Variants in IL1RAP observed in about 807,000 individuals in gnomAD.
IL1RAP encodes the protein interleukin 1 receptor accessory protein, also known as interleukin-1 receptor accessory protein.
IL1RAP carries 35 observed loss-of-function variants against 60.7 expected under a neutral mutation model. The ratio of observed to expected loss-of-function variants is 0.58; its 90% CI spans 0.44 to 0.76. The LOEUF (loss-of-function observed/expected upper bound fraction) is 0.76. IL1RAP is among the 30% of genes least tolerant of loss of function. The probability of loss-of-function intolerance (pLI) is 0.00; values close to 1 mark genes in which losing one functional copy is unlikely to be tolerated. For missense variants in IL1RAP, 572 were observed against 693.9 expected (o/e 0.82, Z 1.97); for synonymous variants, 268 against 250.9 (o/e 1.07, Z -0.64).
intron 5 of IL1RAP, among the ~76,000 whole-genome samples, chr3:190,618,047 G>A (rs1731431892): frequency 6.6e-6 from 1 of 152,196 alleles, no homozygotes. Context: ...GTTTACCACT[G>A]ATTGCAGGAA....
At position 190,582,433 on chromosome 3, in the gene IL1RAP, C is replaced by T. The variant is rs1728085338; in HGVS notation, c.64+18080C>T. Among the ~76,000 whole-genome samples the T allele has an allele frequency of 3.3e-5, 5 of 152,078 alleles. No homozygotes were observed. In the South Asian group the frequency reaches 1.0e-3, roughly 32 times the overall value. The stretch of plus-strand genomic sequence containing the variant: ...CTCCCGGGATCAAGTAAGTCTCCTG[C>T]CTCAGCCTCACACATGGCTGGGATT... On this transcript the variant is annotated intron_variant, in intron 3 of 11. Transcript: ENST00000447382.
At chr3:190,535,704 A>G (rs1042805869) in intron 1 of IL1RAP, among the ~76,000 whole-genome samples, 12 of 152,198 alleles carry the variant, frequency 7.9e-5, no homozygotes, top group African/African-American at 2.4e-5. Context: ...GTAATTGTGG[A>G]ACAGCCACAA....
chr3:190,644,636 G>A (rs1346616685), intron 10 of IL1RAP, among the ~76,000 whole-genome samples: 1 of 152,062 alleles, frequency 6.6e-6, no homozygotes, highest in Non-Finnish European at 1.5e-5. Context: ...GAAATATAAT[G>A]CGAGCCACTT....
chr3:190,611,550 T>C (rs1397614376), intron 5 of IL1RAP, among the ~76,000 whole-genome samples: 1 of 152,186 alleles, frequency 6.6e-6, no homozygotes, highest in Non-Finnish European at 1.5e-5. Context: ...TAAGCATGCA[T>C]ATATAGGTGA....
At chr3:190,588,912 A>G (rs1322266854) in intron 3 of IL1RAP, among the ~76,000 whole-genome samples, 3 of 152,204 alleles carry the variant, frequency 2.0e-5, no homozygotes, top group South Asian at 4.1e-4. Flanking sequence ...TAAGTCCAGT[A>G]TAAACTCTTA....
intron 9 of IL1RAP, among the ~76,000 whole-genome samples, chr3:190,631,349 A>G (rs1413297987): frequency 6.6e-6 from 1 of 152,228 alleles, no homozygotes; most frequent in Non-Finnish European, 1.5e-5. Context: ...CAGAGCGACC[A>G]GAGTAGCTCC....
At chr3:190,596,994 C>T (rs927695768) in intron 3 of IL1RAP, among the ~76,000 whole-genome samples, 2 of 151,866 alleles carry the variant, frequency 1.3e-5, no homozygotes, top group Non-Finnish European at 2.9e-5. Flanking sequence ...GGCAAATATC[C>T]CAAAGAAAAA....
intron 4 of IL1RAP, among the ~76,000 whole-genome samples, chr3:190,607,661 G>A (rs1378621950): frequency 1.3e-4 from 20 of 152,234 alleles, no homozygotes; most frequent in Non-Finnish European, 2.2e-4. Context: ...CCAGGCAGAC[G>A]GAACAACGTG....
chr3:190,553,101 G>A (rs963566342), intron 1 of IL1RAP, among the ~76,000 whole-genome samples: 1 of 152,168 alleles, frequency 6.6e-6, no homozygotes, highest in Non-Finnish European at 1.5e-5. Context: ...CATTTCCTAA[G>A]CCAGGATTGA....
chr3:190,543,032 G>T (rs912207383), intron 1 of IL1RAP, among the ~76,000 whole-genome samples: 1 of 152,000 alleles, frequency 6.6e-6, no homozygotes, highest in Non-Finnish European at 1.5e-5. Flanking sequence ...TCCCTCGATG[G>T]TCATTGGGTG....
intron 1 of IL1RAP, among the ~76,000 whole-genome samples, chr3:190,554,010 G>A (rs192545170): frequency 7.1e-6 from 1 of 141,184 alleles, no homozygotes; most frequent in African/African-American, 2.7e-5. Context: ...GCAGTGAGCC[G>A]AGATCCCGCC....
intron 1 of IL1RAP, among the ~76,000 whole-genome samples, chr3:190,525,492 A>G (rs986035448): frequency 2.0e-5 from 3 of 152,214 alleles, no homozygotes; most frequent in African/African-American, 7.2e-5. Context: ...TGTAGCAGGA[A>G]GTCACTGAAC....
At chr3:190,530,335 A>C (rs1295464037) in intron 1 of IL1RAP, among the ~76,000 whole-genome samples, 2 of 152,156 alleles carry the variant, frequency 1.3e-5, no homozygotes, top group Admixed American at 6.5e-5. Flanking sequence ...GCATTATCAG[A>C]TCTGTATTTT....
At chr3:190,622,164 AATTAGGTATT>A (rs1472422816) in intron 6 of IL1RAP, among the ~76,000 whole-genome samples, 4 of 152,270 alleles carry the variant, frequency 2.6e-5, no homozygotes, top group Non-Finnish European at 5.9e-5. Context: ...GCATGAAAGC[AATTAGGTATT>A]ATGCAACATA....
Position 190,521,408 on chromosome 3 carries a change from T to C in IL1RAP, c.-89+7189T>C, listed in dbSNP as rs149436292. Reference sequence around the variant, plus strand: ...TTACTACAGCCAAGCAGCTAATAAATAGTAGAACTGGGACTTGGACCCTAG... The same window carrying C: ...TTACTACAGCCAAGCAGCTAATAAACAGTAGAACTGGGACTTGGACCCTAG... On this transcript the variant is annotated intron_variant, in intron 1 of 11. Transcript: ENST00000447382. Among the ~76,000 whole-genome samples, 319 of 152,032 alleles carry C rather than the reference T, an allele frequency of 2.1e-3. 1 individual carries two copies. The highest frequency in any genetic ancestry group is 5.4e-3 in the South Asian group (26 of 4,816).
intron 3 of IL1RAP, among the ~76,000 whole-genome samples, chr3:190,589,856 A>G (rs1191821126): frequency 2.0e-5 from 3 of 152,212 alleles, no homozygotes; most frequent in Non-Finnish European, 4.4e-5. Context: ...TTGAGTGGAA[A>G]GGTGTTCACT....
intron 3 of IL1RAP, among the ~76,000 whole-genome samples, chr3:190,581,169 G>A (rs1431266650): frequency 1.3e-5 from 2 of 152,078 alleles, no homozygotes; most frequent in Non-Finnish European, 2.9e-5. Flanking sequence ...ATCAGAACAT[G>A]CCCTGGGTAA....
intron 9 of IL1RAP, among the ~76,000 whole-genome samples, chr3:190,633,241 T>G (rs946494151): frequency 6.6e-6 from 1 of 152,252 alleles, no homozygotes; most frequent in African/African-American, 2.4e-5. Flanking sequence ...TCTCCATTTA[T>G]TTAGATCTTA....
At chr3:190,527,286 T>C (rs1307798689) in intron 1 of IL1RAP, among the ~76,000 whole-genome samples, 1 of 152,226 alleles carries the variant, frequency 6.6e-6, no homozygotes, top group Non-Finnish European at 1.5e-5. Context: ...CATTATCTCA[T>C]TCAATCCTTA....
Sources: allele counts gnomAD v4.1 joint callset (sites outside exome capture counted in the v4.1 genomes callset), GRCh38; gene constraint gnomAD v4.1.1; transcripts MANE v1.5; gene names NCBI Gene and HGNC (gene_info 2026-07-23, HGNC 2026-07-21).